Variants in CSNK2A2 observed in about 807,000 individuals in gnomAD.
The protein encoded by CSNK2A2 is casein kinase II subunit alpha'.
A neutral mutation model predicts 54.0 loss-of-function variants in CSNK2A2; 8 were observed. That is an observed-to-expected ratio of 0.15 (90% CI 0.09 to 0.27). The LOEUF (loss-of-function observed/expected upper bound fraction) is 0.27. Among genes scored for constraint, CSNK2A2 ranks in the 10% least tolerant of loss-of-function variants. CSNK2A2 has a pLI of 1.00. For synonymous variants in CSNK2A2, 141 were observed against 153.9 expected (o/e 0.92, Z 0.62); for missense variants, 242 against 439.4 (o/e 0.55, Z 4.02).
intron 2 of CSNK2A2, 104 bp from the exon 3 acceptor site, chr16:58,186,960 C>T (rs879569351): frequency 2.2e-5 from 19 of 867,460 alleles, no homozygotes; most frequent in Non-Finnish European, 3.4e-5. Flanking sequence ...CTATCTTGTA[C>T]ACTCTGTTGT....
intron 4 of CSNK2A2, among the ~76,000 whole-genome samples, chr16:58,176,486 C>G (rs1961882373): frequency 1.3e-5 from 2 of 152,342 alleles, no homozygotes; most frequent in Admixed American, 1.3e-4. Flanking sequence ...TTCTCAGGAT[C>G]TCCGGGTAGG....
intron 4 of CSNK2A2, among the ~76,000 whole-genome samples, chr16:58,183,764 T>C (rs970827345): frequency 2.6e-5 from 4 of 152,120 alleles, no homozygotes; most frequent in Non-Finnish European, 5.9e-5. Context: ...TATAAGAAAA[T>C]GTAAAAAACC....
At position 58,181,369 on chromosome 16, in the gene CSNK2A2, G is replaced by C. The variant is rs920396666; in HGVS notation, c.369+2891C>G. Among the ~76,000 whole-genome samples, 7 of 152,192 alleles carry C rather than the reference G, an allele frequency of 4.6e-5. No homozygotes were observed. In the East Asian group the frequency reaches 1.3e-3, roughly 29 times the overall value. On this transcript the variant is annotated intron_variant, in intron 4 of 11. Coordinates refer to ENST00000262506, the MANE Select transcript of CSNK2A2 (RefSeq NM_001896.4). ...TGAGTTTAAGATGCCACACTGAAAAGGGGAGACTTAGGTGAAGTCTGCACA... is the reference window on the plus strand; with the variant it reads ...TGAGTTTAAGATGCCACACTGAAAACGGGAGACTTAGGTGAAGTCTGCACA...
At chr16:58,188,800 A>T (rs944339838) in intron 2 of CSNK2A2, among the ~76,000 whole-genome samples, 3 of 152,222 alleles carry the variant, frequency 2.0e-5, no homozygotes, top group Admixed American at 1.3e-4. Context: ...AGGTGTGTGT[A>T]TATGTACACA....
At chr16:58,175,612 C>T (rs1299295328) in intron 4 of CSNK2A2, among the ~76,000 whole-genome samples, 2 of 152,104 alleles carry the variant, frequency 1.3e-5, no homozygotes, top group Non-Finnish European at 2.9e-5. Context: ...AGCTGGAATA[C>T]AGGGGAATAA....
chr16:58,178,232 C>CT (rs964289951), intron 4 of CSNK2A2, among the ~76,000 whole-genome samples: 153 of 142,202 alleles, frequency 1.1e-3, no homozygotes, highest in East Asian at 2.2e-3. Context: ...TTATCGAAAT[C>CT]TTTTTTTTTT....
At chr16:58,171,976 T>TAC (rs1961753740) in intron 5 of CSNK2A2, among the ~76,000 whole-genome samples, 1 of 35,724 alleles carries the variant, frequency 2.8e-5, no homozygotes, top group Non-Finnish European at 5.0e-5. Context: ...TATATATATA[T>TAC]ATATTTTTTT....
chr16:58,177,905 T>A (rs1162468349), intron 4 of CSNK2A2, among the ~76,000 whole-genome samples: 1 of 152,214 alleles, frequency 6.6e-6, no homozygotes, highest in Non-Finnish European at 1.5e-5. Context: ...TTTAGAAATT[T>A]AAGGAAGTAG....
intron 2 of CSNK2A2, among the ~76,000 whole-genome samples, chr16:58,190,636 G>A (rs1445020077): frequency 1.3e-5 from 2 of 151,970 alleles, no homozygotes; most frequent in East Asian, 1.9e-4. Flanking sequence ...TTTACTCTCA[G>A]GAGTTAAAAA....
intron 4 of CSNK2A2, among the ~76,000 whole-genome samples, chr16:58,180,402 T>C (rs1962005973): frequency 6.7e-6 from 1 of 148,296 alleles, no homozygotes; most frequent in Non-Finnish European, 1.5e-5. Flanking sequence ...CAGTCAACAA[T>C]ATAGTTTTTA....
chr16:58,158,305 G>A lies in CSNK2A2; in HGVS notation c.*66C>T, dbSNP rs192033043. On this transcript the variant is annotated 3_prime_UTR_variant, in exon 12 of 12. Coordinates refer to ENST00000262506, the MANE Select transcript of CSNK2A2 (RefSeq NM_001896.4). Reference sequence around the variant, plus strand: ...TCTCTCTATACGCGTTAAGACGTTTGATTTGGTTCTTGTTCTGCTTATGGA... The same window carrying A: ...TCTCTCTATACGCGTTAAGACGTTTAATTTGGTTCTTGTTCTGCTTATGGA... 12 of 152,818 alleles carry A rather than the reference G, an allele frequency of 7.9e-5. No homozygotes were observed. Among genetic ancestry groups the A allele is most frequent in the Admixed American group, 2.0e-4 (3 of 15,304 alleles). The allele number at this position is 152,818 out of a possible 1,614,324, so 9.5% of individuals were successfully genotyped here.
chr16:58,192,177 G>C (rs917837781), intron 2 of CSNK2A2, among the ~76,000 whole-genome samples: 1 of 152,138 alleles, frequency 6.6e-6, no homozygotes, highest in African/African-American at 2.4e-5. Flanking sequence ...GAAGAAACTA[G>C]TTCTGGAACT....
intron 11 of CSNK2A2, chr16:58,160,959 T>G (rs1255923934): frequency 6.6e-6 from 1 of 152,294 alleles, no homozygotes; most frequent in East Asian, 1.9e-4. Context: ...GGTGTTTAAG[T>G]GCCTCAATGA....
chr16:58,172,611 T>C (rs1961773292), intron 5 of CSNK2A2, among the ~76,000 whole-genome samples: 1 of 152,240 alleles, frequency 6.6e-6, no homozygotes, highest in Admixed American at 6.5e-5. Context: ...ATGTGAAAAA[T>C]ACTCAATGAA....
intron 2 of CSNK2A2, chr16:58,192,903 C>G (rs1210772320): frequency 6.6e-6 from 1 of 152,264 alleles, no homozygotes; most frequent in Non-Finnish European, 1.5e-5. Flanking sequence ...GGCCTGGGTT[C>G]TAATGGTTTC....
intron 4 of CSNK2A2, among the ~76,000 whole-genome samples, chr16:58,175,548 T>G (rs981169553): frequency 1.3e-5 from 2 of 152,012 alleles, no homozygotes; most frequent in East Asian, 3.8e-4. Flanking sequence ...TCTGCAAAAA[T>G]GATACAGAAG....
At chr16:58,186,506 G>C (rs760074599) in intron 3 of CSNK2A2, among the ~76,000 whole-genome samples, 2 of 152,216 alleles carry the variant, frequency 1.3e-5, no homozygotes, top group Non-Finnish European at 2.9e-5. Flanking sequence ...TTTGTGGGCT[G>C]AATCAAAATA....
chr16:58,179,347 A>C (rs1961964547), intron 4 of CSNK2A2, among the ~76,000 whole-genome samples: 1 of 151,994 alleles, frequency 6.6e-6, no homozygotes, highest in South Asian at 2.1e-4. Flanking sequence ...TAAAAATACA[A>C]AAAATTAGCT....
At chr16:58,181,044 C>T (rs1962026010) in intron 4 of CSNK2A2, among the ~76,000 whole-genome samples, 1 of 152,186 alleles carries the variant, frequency 6.6e-6, no homozygotes, top group Non-Finnish European at 1.5e-5. Flanking sequence ...TTAATGATCT[C>T]TTGATTAAAA....
Sources: gnomAD v4.1 joint callset for allele counts (sites outside exome capture counted in the v4.1 genomes callset) on GRCh38, gnomAD v4.1.1 for gene constraint, MANE v1.5 for transcripts, NCBI Gene and HGNC (gene_info 2026-07-23, HGNC 2026-07-21) for gene names.